The following TEKT5 variants were observed in gnomAD, a reference collection of about 807,000 sequenced individuals.
TEKT5 encodes the protein tektin-5.
TEKT5 carries 52 observed loss-of-function variants against 48.7 expected under a neutral mutation model. That is an observed-to-expected ratio of 1.07 (90% confidence interval 0.86 to 1.35). The LOEUF (loss-of-function observed/expected upper bound fraction) is 1.35. Among genes scored for constraint, TEKT5 ranks in the 40% most tolerant of loss-of-function variants. The pLI is 0.00. For synonymous variants in TEKT5, 318 were observed against 267.6 expected (o/e 1.19, Z -1.84); for missense variants, 831 against 641.6 (o/e 1.30, Z -3.19).
Position 10,659,481 on chromosome 16 carries a change from A to G in TEKT5, c.1086+16478T>C, listed in dbSNP as rs1001025581. ...TGCAAGCTCTGCCTCCCGAGTTCAC[A>G]CCATTCTCCTGCCTCAGCCTCCCGA... On this transcript the variant is annotated intron_variant, in intron 5 of 6. Coordinates refer to ENST00000283025, the MANE Select transcript of TEKT5 (RefSeq NM_144674.2). Among the ~76,000 whole-genome samples the G allele has an allele frequency of 3.3e-5, 5 of 152,162 alleles. No individual in the cohort carries two copies. The East Asian group carries it at 7.8e-4, about 24-fold the overall frequency.
intron 5 of TEKT5, among the ~76,000 whole-genome samples, chr16:10,648,021 T>C (rs756370667): frequency 6.6e-6 from 1 of 152,208 alleles, no homozygotes; most frequent in African/African-American, 2.4e-5. Context: ...AGACAAATGG[T>C]CACTGTCAGC....
intron 3 of TEKT5, among the ~76,000 whole-genome samples, chr16:10,686,456 CA>C (rs58181454): frequency 0.046 from 5,290 of 115,368 alleles, 147 homozygotes; most frequent in African/African-American, 0.1. Context: ...GACTCCATCT[CA>C]AAAAAAAAAA....
chr16:10,656,704 C>G (rs1450100105), intron 5 of TEKT5, among the ~76,000 whole-genome samples: 2 of 152,332 alleles, frequency 1.3e-5, no homozygotes, highest in Non-Finnish European at 2.9e-5. Flanking sequence ...TTATACTGAT[C>G]TCTCTAGAAA....
intron 3 of TEKT5, among the ~76,000 whole-genome samples, chr16:10,687,131 TC>T (rs1450810081): frequency 1.3e-5 from 2 of 152,134 alleles, no homozygotes; most frequent in Non-Finnish European, 2.9e-5. Flanking sequence ...TTTCAGTTCG[TC>T]AGGAGGAATA....
At chr16:10,665,299 T>A (rs569470107) in intron 5 of TEKT5, among the ~76,000 whole-genome samples, 81 of 152,322 alleles carry the variant, frequency 5.3e-4, no homozygotes, top group South Asian at 1.7e-3. Context: ...GCACCTTATA[T>A]TCTTCTCATC....
At chr16:10,636,049 A>C in intron 5 of TEKT5, 131 bp from the exon 6 acceptor site, 2 of 1,394,266 alleles carry the variant, frequency 1.4e-6, no homozygotes, top group Non-Finnish European at 1.9e-6. Flanking sequence ...CCCGGCCTTG[A>C]GCACCTTTAG....
chr16:10,631,195 G>A (rs1048027859), intron 6 of TEKT5, among the ~76,000 whole-genome samples: 30 of 147,696 alleles, frequency 2.0e-4, no homozygotes, highest in African/African-American at 6.8e-4. Flanking sequence ...GGCAGAGGTC[G>A]CAGTGTGATG....
chr16:10,693,833 G>C (rs1443251104), intron 1 of TEKT5, among the ~76,000 whole-genome samples: 5 of 152,152 alleles, frequency 3.3e-5, no homozygotes, highest in Non-Finnish European at 1.5e-5. Context: ...AGCTGGCCAT[G>C]GTGGCGGGCA....
Position 10,689,282 on chromosome 16 carries a change from T to C in TEKT5, c.690A>G (p.Lys230=), listed in dbSNP as rs919961054. Residue 230 remains lysine (K), a synonymous_variant, in exon 3 of 7, where the codon AAA becomes AAG. Transcript: ENST00000283025. Reference sequence around the variant, plus strand: ...TCTGGATATCAATTCTTTGAGCTAATTTTCTCATCTGTTCTTGGCAACATT... The same window carrying C: ...TCTGGATATCAATTCTTTGAGCTAACTTTCTCATCTGTTCTTGGCAACATT... ...LLKCCQEQMR[K]LAQRIDIQMR... is the part of the protein sequence containing the mutation. 4.3e-6 allele frequency: 7 copies of C among 1,612,062 alleles called. No individual in the cohort carries two copies. In the East Asian group the frequency reaches 1.1e-4, roughly 26 times the overall value.
intron 5 of TEKT5, among the ~76,000 whole-genome samples, chr16:10,665,019 G>A (rs556544618): frequency 6.6e-6 from 1 of 152,310 alleles, no homozygotes; most frequent in East Asian, 1.9e-4. Flanking sequence ...AGGAAGTGCT[G>A]GAGCCAGAAA....
intron 1 of TEKT5, chr16:10,690,660 G>T: frequency 1.0e-6 from 1 of 985,414 alleles, no homozygotes; most frequent in Non-Finnish European, 1.2e-6. Context: ...TTGGGGAAGT[G>T]GTCAGGACAA....
chr16:10,628,252 G>A (rs1451471770), intron 6 of TEKT5, among the ~76,000 whole-genome samples: 1 of 152,212 alleles, frequency 6.6e-6, no homozygotes, highest in Non-Finnish European at 1.5e-5. Context: ...CGGCCCTCCA[G>A]GGGAAGGCAG....
chr16:10,640,094 C>T (rs4780965), intron 5 of TEKT5, among the ~76,000 whole-genome samples: 52 of 65,110 alleles, frequency 8.0e-4, no homozygotes, highest in South Asian at 3.1e-3. Context: ...TTCCTTCCTT[C>T]CCTCTCCCCT....
intron 3 of TEKT5, among the ~76,000 whole-genome samples, chr16:10,685,995 T>C (rs949763976): frequency 6.6e-6 from 1 of 152,184 alleles, no homozygotes; most frequent in Non-Finnish European, 1.5e-5. Context: ...TTCCCAAACG[T>C]CAGCCCTCCT....
rs779655301 is a variant in TEKT5, at chr16:10,627,799, C to G, written c.1242G>C (p.Lys414Asn). 29 of 1,613,910 alleles carry G rather than the reference C, an allele frequency of 1.8e-5. No homozygotes were observed. The highest frequency in any genetic ancestry group is 2.4e-5 in the Non-Finnish European group (28 of 1,179,910). Residue 414 changes from lysine to asparagine, a missense_variant and splice_region_variant, in exon 7 of 7, where the codon AAG (lysine) becomes AAC (asparagine). Coordinates refer to ENST00000283025, the MANE Select transcript of TEKT5 (RefSeq NM_144674.2). ...MELCRDIPQLKLVNEVFTIDD... is the reference protein window; with the variant it reads ...MELCRDIPQLNLVNEVFTIDD... Reference sequence around the variant, plus strand: ...CGATGGTGAACACCTCGTTCACCAGCCTGGGGTGAGGGCAGAGGAGAAGGC... The same window carrying G: ...CGATGGTGAACACCTCGTTCACCAGGCTGGGGTGAGGGCAGAGGAGAAGGC...
intron 5 of TEKT5, among the ~76,000 whole-genome samples, chr16:10,657,846 C>T (rs1172297418): frequency 4.0e-5 from 6 of 151,786 alleles, no homozygotes; most frequent in Admixed American, 3.3e-4. Context: ...GTGATCCGCC[C>T]GGCTCGGCCT....
intron 6 of TEKT5, among the ~76,000 whole-genome samples, chr16:10,631,272 AAGAGAG>A (rs557009066): frequency 1.0e-4 from 13 of 128,856 alleles, no homozygotes; most frequent in African/African-American, 1.5e-4. Context: ...AAAAAAAAAA[AAGAGAG>A]AGAGAGAGAG....
In TEKT5 at chr16:10,694,620, A is replaced by G. The variant is rs1197734831; in HGVS notation, c.254T>C (p.Leu85Pro). The G allele has an allele frequency of 6.2e-7, 1 of 1,611,830 alleles. No individual in the cohort carries two copies. Among genetic ancestry groups the G allele is most frequent in the East Asian group, 2.2e-5 (1 of 44,862 alleles). ...GTCGTGGGGGCTATAGCGAGAGAAG[A>G]GTGCGGAGCGCAGTGTGGGCAGGAT... ...PTILPTLRSA[L>P]FSRYSPHDWD... The change falls in exon 1 of 7, where the codon CTC (leucine) becomes CCC (proline). Residue 85 changes from leucine to proline, a missense_variant. Coordinates refer to ENST00000283025, the MANE Select transcript of TEKT5 (RefSeq NM_144674.2).
intron 3 of TEKT5, among the ~76,000 whole-genome samples, chr16:10,683,522 T>A (rs1313381120): frequency 6.6e-6 from 1 of 152,246 alleles, no homozygotes; most frequent in Non-Finnish European, 1.5e-5. Flanking sequence ...GAGAATCACT[T>A]CCACGATTCT....
Sources: allele counts gnomAD v4.1 joint callset (sites outside exome capture counted in the v4.1 genomes callset), GRCh38; gene constraint gnomAD v4.1.1; transcripts MANE v1.5; gene names NCBI Gene and HGNC (gene_info 2026-07-23, HGNC 2026-07-21).